The following ABCA4 variants were observed in gnomAD, a reference collection of about 807,000 sequenced individuals.
The protein encoded by ABCA4 is ATP binding cassette subfamily A member 4, also known as retinal-specific phospholipid-transporting ATPase ABCA4.
In ABCA4, 196 loss-of-function variants were observed where a neutral mutation model predicts 263.7. The ratio of observed to expected loss-of-function variants is 0.74; its 90% CI spans 0.66 to 0.84. The LOEUF (loss-of-function observed/expected upper bound fraction) is 0.84, where lower values mean the gene tolerates loss of function less well. ABCA4 is among the 40% of genes least tolerant of loss of function. ABCA4 has a pLI of 0.00. For missense variants in ABCA4, 2,792 were observed against 2,855.1 expected (o/e 0.98, Z 0.50); for synonymous variants, 1,133 against 1,094.2 (o/e 1.04, Z -0.70).
chr1:94,009,278 C>T (rs780185758), intron 40 of ABCA4, among the ~76,000 whole-genome samples: 1 of 152,180 alleles, frequency 6.6e-6, no homozygotes, highest in Non-Finnish European at 1.5e-5. Context: ...GCTTCCTCTA[C>T]AGCAAGCACT....
At position 94,023,386 on chromosome 1, in the gene ABCA4, C is replaced by G. The variant is rs1385119665; in HGVS notation, c.4667G>C (p.Arg1556Thr). Residue 1556 changes from arginine (R) to threonine (T), a missense_variant and splice_region_variant, in exon 32 of 50, where the codon AGG (arginine) becomes ACG (threonine). Coordinates refer to ENST00000370225, the MANE Select transcript of ABCA4 (RefSeq NM_000350.3). Reference sequence around the variant, plus strand: ...AATTCTGATAAAAATAGTTTCTTACCTCTGTTCATTGACCCAGAATTTGCT... The same window carrying G: ...AATTCTGATAAAAATAGTTTCTTACGTCTGTTCATTGACCCAGAATTTGCT... Reference protein sequence around the residue: ...LKSKFWVNEQRYGGISIGGKL... With the variant: ...LKSKFWVNEQTYGGISIGGKL... The G allele has an allele frequency of 2.5e-6, 4 of 1,605,908 alleles. No individual in the cohort carries two copies. In the Admixed American group the frequency reaches 6.7e-5, roughly 27 times the overall value.
At chr1:94,005,027 T>G (rs890676555) in intron 44 of ABCA4, among the ~76,000 whole-genome samples, 1 of 152,264 alleles carries the variant, frequency 6.6e-6, no homozygotes, top group Non-Finnish European at 1.5e-5. Context: ...AAGACTTTAT[T>G]GTGTGTCTGT....
At chr1:94,080,812 A>G in intron 7 of ABCA4, 94 bp from the exon 8 acceptor site, 1 of 1,552,274 alleles carries the variant, frequency 6.4e-7, no homozygotes, top group Admixed American at 1.7e-5. Flanking sequence ...TGACTTCCAC[A>G]TTTAAAAGAA....
chr1:94,009,807 C>A (rs1208773427), intron 40 of ABCA4, among the ~76,000 whole-genome samples: 1 of 152,316 alleles, frequency 6.6e-6, no homozygotes, highest in East Asian at 1.9e-4. Flanking sequence ...AACCTCCTGA[C>A]CTGCTCTCTC....
At chr1:94,105,532 G>T (rs953790008) in intron 4 of ABCA4, among the ~76,000 whole-genome samples, 13 of 151,904 alleles carry the variant, frequency 8.6e-5, no homozygotes, top group African/African-American at 3.1e-4. Context: ...GGAGAAATGT[G>T]AACTGGGAGC....
In ABCA4 at chr1:94,121,095, C is replaced by T. The variant is rs1408091156; in HGVS notation, c.-50G>A. ...TTGGTCAGAGCTGAGGCCCCTCAGA[C>T]AGCAAAGGACATAAACGCCGTTAAG... On this transcript the variant is annotated 5_prime_UTR_variant, in exon 1 of 50. Coordinates refer to ENST00000370225, the MANE Select transcript of ABCA4 (RefSeq NM_000350.3). The T allele has an allele frequency of 2.5e-6, 4 of 1,571,224 alleles. No homozygotes were observed. The East Asian group carries it at 6.7e-5, about 26-fold the overall frequency.
Position 93,999,862 on chromosome 1 carries a change from A to G in ABCA4, c.6479+974T>C, listed in dbSNP as rs370237856. ...CTTTCTCCAGCAGTTGGACACAGGA[A>G]GTTGCTGACACAGGTCTGGTGACCT... is the stretch of plus-strand genomic sequence containing the variant. On this transcript the variant is annotated intron_variant, in intron 47 of 49. Coordinates refer to ENST00000370225, the MANE Select transcript of ABCA4 (RefSeq NM_000350.3). 1.4e-3 allele frequency among the ~76,000 whole-genome samples: 212 copies of G among 152,338 alleles called. 1 individual carries two copies. In the South Asian group the frequency reaches 0.024, roughly 17 times the overall value.
In ABCA4 at chr1:94,025,069, C is replaced by T. The variant is rs372696288; in HGVS notation, c.4540-21G>A. The T allele has an allele frequency of 4.4e-5, 70 of 1,598,820 alleles. 1 individual carries two copies. The South Asian group carries it at 5.5e-4, about 13-fold the overall frequency. ...GTTCTCTGAGGCAATGAGACACCCA[C>T]GTTAATTACCTTGGAACTTGAGGAC... On this transcript the variant is annotated intron_variant, in intron 30 of 49. Transcript: ENST00000370225.
rs770126838 is a variant in ABCA4 at position 94,047,089 on chromosome 1, G to A, written c.2748C>T (p.Ser916=). 3.7e-6 allele frequency: 6 copies of A among 1,613,998 alleles called. No homozygotes were observed. In the African/African-American group the frequency reaches 4.0e-5, roughly 11 times the overall value. ...ACCCTGGATGCTCACGTTCAAAGAAGGAGTCTTGGAGGAAAAAAAATGAAC... is the reference window on the plus strand; with the variant it reads ...ACCCTGGATGCTCACGTTCAAAGAAAGAGTCTTGGAGGAAAAAAAATGAAC... The part of the protein sequence containing the change: ...DPEHPEGIHD[S]FFEREHPGWV... Residue 916 remains serine, a synonymous_variant, in exon 19 of 50, where the codon TCC becomes TCT. Transcript: ENST00000370225.
chr1:94,077,840 A>T lies in ABCA4; in HGVS notation c.1404T>A (p.Leu468=). The T allele has an allele frequency of 6.2e-7, 1 of 1,614,232 alleles. No individual in the cohort carries two copies. Among genetic ancestry groups the T allele is most frequent in the Non-Finnish European group, 8.5e-7 (1 of 1,180,038 alleles). Residue 468 remains leucine, a synonymous_variant, in exon 11 of 50, where the codon CTT becomes CTA. Transcript: ENST00000370225. ...CTTCAGCAGTAATACCTTCTTCACC[A>T]AGCTGCCTATTCAAAAAGTCTTTTA... The part of the protein sequence containing the change: ...PTVKDFLNRQ[L]GEEGITAEAI...
Position 94,060,659 on chromosome 1 carries a change from A to T in ABCA4, c.2038T>A (p.Leu680Met), listed in dbSNP as rs1557786317. The change falls in exon 14 of 50, where the codon TTG (leucine) becomes ATG (methionine). Residue 680 changes from leucine to methionine, a missense_variant. By Grantham distance (15) the Leu-to-Met change is conservative. Coordinates refer to ENST00000370225, the MANE Select transcript of ABCA4 (RefSeq NM_000350.3). ...TVKSIVLEKE[L>M]RLKETLKNQG... ...TTTTTCAAGGTCTCCTTCAGTCGCA[A>T]CTCCTTCTCCAAGACGATGCTCTTC... 6.2e-7 allele frequency: 1 copy of T among 1,614,040 alleles called. No individual in the cohort carries two copies. Among genetic ancestry groups the T allele is most frequent in the Non-Finnish European group, 8.5e-7 (1 of 1,180,004 alleles).
At chr1:94,106,149 C>A (rs1181032001) in intron 4 of ABCA4, among the ~76,000 whole-genome samples, 1 of 152,180 alleles carries the variant, frequency 6.6e-6, no homozygotes, top group Non-Finnish European at 1.5e-5. Context: ...CCTAGGGGGC[C>A]GTGGCCAACC....
chr1:94,002,971 A>G (rs1001628364), intron 44 of ABCA4, among the ~76,000 whole-genome samples: 7 of 147,882 alleles, frequency 4.7e-5, no homozygotes, highest in African/African-American at 1.9e-4. Context: ...TCATAGAATT[A>G]TTAACTAATA....
chr1:94,037,845 C>T (rs1260228385), intron 24 of ABCA4, among the ~76,000 whole-genome samples: 1 of 152,138 alleles, frequency 6.6e-6, no homozygotes, highest in African/African-American at 2.4e-5. Context: ...TATTATTATC[C>T]TTTACATCAT....
intron 5 of ABCA4, among the ~76,000 whole-genome samples, chr1:94,099,385 T>G (rs1207330523): frequency 6.6e-6 from 1 of 152,240 alleles, no homozygotes; most frequent in African/African-American, 2.4e-5. Flanking sequence ...GCAGTCCTGC[T>G]GATGCCCTAA....
chr1:94,117,076 C>T (rs554994719), intron 1 of ABCA4, among the ~76,000 whole-genome samples: 2 of 140,902 alleles, frequency 1.4e-5, no homozygotes, highest in Non-Finnish European at 3.1e-5. Context: ...CTCTCTCTTC[C>T]TCTCTCTCTC....
At chr1:94,109,291 A>G (rs1399526734) in intron 3 of ABCA4, among the ~76,000 whole-genome samples, 1 of 152,164 alleles carries the variant, frequency 6.6e-6, no homozygotes, top group Non-Finnish European at 1.5e-5. Context: ...GAGAAGCCTT[A>G]AACAGGGTGA....
chr1:94,000,341 T>C (rs1489756769), intron 47 of ABCA4, among the ~76,000 whole-genome samples: 4 of 152,250 alleles, frequency 2.6e-5, no homozygotes, highest in Non-Finnish European at 4.4e-5. Context: ...AGGATAAGGA[T>C]AATCCTATTC....
intron 3 of ABCA4, among the ~76,000 whole-genome samples, chr1:94,110,277 T>C (rs1488916886): frequency 6.6e-6 from 1 of 152,204 alleles, no homozygotes; most frequent in Non-Finnish European, 1.5e-5. Flanking sequence ...GATCATACAG[T>C]CTCTATCACA....
Sources: gnomAD v4.1 joint callset for allele counts (sites outside exome capture counted in the v4.1 genomes callset) on GRCh38, gnomAD v4.1.1 for gene constraint, MANE v1.5 for transcripts, NCBI Gene and HGNC (gene_info 2026-07-23, HGNC 2026-07-21) for gene names.